Variants in SLC13A3 observed in about 807,000 individuals in gnomAD.
SLC13A3 encodes solute carrier family 13 member 3, also known as Na(+)/dicarboxylate cotransporter 3.
Under a neutral mutation model 59.0 loss-of-function variants are expected in SLC13A3, and 40 were observed. The ratio of observed to expected loss-of-function variants is 0.68; its 90% CI spans 0.53 to 0.88. The LOEUF (loss-of-function observed/expected upper bound fraction) is 0.88. SLC13A3 is among the 40% of genes least tolerant of loss of function. The pLI, the probability that SLC13A3 is intolerant of heterozygous loss-of-function variation, is 0.00. For synonymous variants in SLC13A3, 317 were observed against 330.3 expected (o/e 0.96, Z 0.44); for missense variants, 699 against 783.2 (o/e 0.89, Z 1.28).
intron 1 of SLC13A3, among the ~76,000 whole-genome samples, chr20:46,642,008 C>T (rs566297864): frequency 1.3e-5 from 2 of 152,300 alleles, no homozygotes; most frequent in South Asian, 4.1e-4. Flanking sequence ...AGTCCTAAAC[C>T]TGCACACCCT....
At chr20:46,594,742 T>G (rs998724854) in intron 5 of SLC13A3, among the ~76,000 whole-genome samples, 4 of 152,162 alleles carry the variant, frequency 2.6e-5, no homozygotes, top group Admixed American at 6.5e-5. Flanking sequence ...TTCTTTTTTT[T>G]TTTTTTCACC....
chr20:46,657,848 C>G (rs1289905154), intron 1 of SLC13A3, among the ~76,000 whole-genome samples: 1 of 152,128 alleles, frequency 6.6e-6, no homozygotes, highest in Non-Finnish European at 1.5e-5. Context: ...AGGTGCCACA[C>G]ACTTTTAAAC....
chr20:46,642,469 G>C (rs529235971), intron 1 of SLC13A3, among the ~76,000 whole-genome samples: 3 of 152,324 alleles, frequency 2.0e-5, no homozygotes, highest in Non-Finnish European at 4.4e-5. Context: ...GCGCTTAGTA[G>C]GTGCTCAGTC....
At chr20:46,666,972 C>A (rs2063065862) in intron 1 of SLC13A3, among the ~76,000 whole-genome samples, 1 of 152,036 alleles carries the variant, frequency 6.6e-6, no homozygotes, top group Non-Finnish European at 1.5e-5. Flanking sequence ...AGGCCAAAAT[C>A]TGAAATTTGG....
chr20:46,589,162 G>C lies in SLC13A3; in HGVS notation c.1014C>G (p.Ile338Met), dbSNP rs773619593. 6.2e-7 allele frequency: 1 copy of C among 1,613,390 alleles called. No individual in the cohort carries two copies. Among genetic ancestry groups the C allele is most frequent in the South Asian group, 1.1e-5 (1 of 91,074 alleles). ...IREEYQNLGP[I>M]KFAEQAVFIL... ...TTAACCCAAGGGCCCCCACATACTTGATGGGCCCCAGGTTCTGGTATTCTT... is the reference window on the plus strand; with the variant it reads ...TTAACCCAAGGGCCCCCACATACTTCATGGGCCCCAGGTTCTGGTATTCTT... Residue 338 changes from isoleucine (I) to methionine (M), a missense_variant and splice_region_variant, in exon 7 of 13, where the codon ATC (isoleucine) becomes ATG (methionine). By Grantham distance (10) the Ile-to-Met change is conservative (BLOSUM62 1). Transcript: ENST00000279027.
At chr20:46,677,161 AC>A (rs2063131000) in intron 1 of SLC13A3, among the ~76,000 whole-genome samples, 1 of 152,140 alleles carries the variant, frequency 6.6e-6, no homozygotes, top group Non-Finnish European at 1.5e-5. Context: ...TGATCCGCCC[AC>A]CTCGGCATTC....
chr20:46,583,778 G>T, intron 8 of SLC13A3, 109 bp from the exon 9 acceptor site: 2 of 1,511,672 alleles, frequency 1.3e-6, no homozygotes, highest in East Asian at 2.4e-5. Context: ...TGCTGTGAAG[G>T]GGCCATTGTT....
chr20:46,585,628 C>T, intron 8 of SLC13A3: 2 of 1,265,686 alleles, frequency 1.6e-6, no homozygotes, highest in Non-Finnish European at 1.0e-6. Flanking sequence ...TAGAACAGTT[C>T]TCAGATAGGC....
At chr20:46,601,359 C>T (rs1379281427) in intron 3 of SLC13A3, among the ~76,000 whole-genome samples, 1 of 152,080 alleles carries the variant, frequency 6.6e-6, no homozygotes, top group Non-Finnish European at 1.5e-5. Context: ...CCATACAGAC[C>T]CTGAGAGTAA....
At chr20:46,606,526 G>A (rs899655777) in intron 3 of SLC13A3, among the ~76,000 whole-genome samples, 3 of 152,182 alleles carry the variant, frequency 2.0e-5, no homozygotes, top group Non-Finnish European at 4.4e-5. Context: ...AAAAGGAGGG[G>A]AAAGAGTTTA....
intron 3 of SLC13A3, chr20:46,608,912 C>A: frequency 6.4e-7 from 1 of 1,550,776 alleles, no homozygotes. Context: ...ACATTCCACC[C>A]GGCAGGAAGG....
chr20:46,622,958 A>G (rs2062631498), intron 1 of SLC13A3, among the ~76,000 whole-genome samples: 1 of 152,198 alleles, frequency 6.6e-6, no homozygotes, highest in African/African-American at 2.4e-5. Flanking sequence ...AAGAAACTGA[A>G]TCAATCATTA....
At chr20:46,647,343 G>T in intron 1 of SLC13A3, among the ~76,000 whole-genome samples, 1 of 152,116 alleles carries the variant, frequency 6.6e-6, no homozygotes, top group East Asian at 1.9e-4. Flanking sequence ...CTCTCAGGGG[G>T]CATAAGGCAG....
chr20:46,624,759 G>A (rs574105008), intron 1 of SLC13A3, among the ~76,000 whole-genome samples: 2 of 152,334 alleles, frequency 1.3e-5, no homozygotes, highest in East Asian at 1.9e-4. Flanking sequence ...ACATTCCAAA[G>A]ATGTGAGGAG....
At chr20:46,627,401 A>C (rs2062684506) in intron 1 of SLC13A3, among the ~76,000 whole-genome samples, 3 of 152,114 alleles carry the variant, frequency 2.0e-5, no homozygotes, top group Non-Finnish European at 4.4e-5. Context: ...CAGTGTCATG[A>C]GTGCAATAGG....
chr20:46,608,243 A>G (rs1392393925), intron 3 of SLC13A3, among the ~76,000 whole-genome samples: 1 of 152,178 alleles, frequency 6.6e-6, no homozygotes, highest in Admixed American at 6.5e-5. Flanking sequence ...AAAAACATCT[A>G]TGGAAGAATA....
upstream of SLC13A3, among the ~76,000 whole-genome samples, chr20:46,652,130 T>C (rs1270035076): frequency 1.3e-5 from 2 of 152,166 alleles, no homozygotes. Context: ...GAAAAATAAC[T>C]AATGGGCACT....
chr20:46,625,644 G>A (rs913148978), intron 1 of SLC13A3, among the ~76,000 whole-genome samples: 2 of 152,180 alleles, frequency 1.3e-5, no homozygotes, highest in African/African-American at 4.8e-5. Flanking sequence ...CTCCAAAACA[G>A]TGCTGCAATT....
At position 46,585,103 on chromosome 20, in the gene SLC13A3, T is replaced by C. The variant is rs907945977; in HGVS notation, c.1122-1434A>G. 3.1e-6 allele frequency: 3 copies of C among 969,720 alleles called. No individual in the cohort carries two copies. In the African/African-American group the frequency reaches 5.3e-5, roughly 17 times the overall value. The allele number at this position is 969,720 out of a possible 1,614,324, so 60.1% of individuals were successfully genotyped here. On this transcript the variant is annotated intron_variant, in intron 8 of 12. Transcript: ENST00000279027. ...ATTCTGTAGAGTACTATGCAGTGTT[T>C]TAAAAGAATAAATTTGTGACCTGAG...
Sources: allele counts gnomAD v4.1 joint callset (sites outside exome capture counted in the v4.1 genomes callset), GRCh38; gene constraint gnomAD v4.1.1; transcripts MANE v1.5; gene names NCBI Gene and HGNC (gene_info 2026-07-23, HGNC 2026-07-21).